Variants in B4GALT1 observed in about 807,000 individuals in gnomAD.
The protein encoded by B4GALT1 is beta-1,4-galactosyltransferase 1, also known as N-acetyllactosamine synthase.
Under a neutral mutation model 34.9 loss-of-function variants are expected in B4GALT1, and 16 were observed. That is an observed-to-expected ratio of 0.46 (90% CI 0.31 to 0.70). B4GALT1 has a LOEUF of 0.70. Ranked by LOEUF, B4GALT1 falls within the 30% of genes least tolerant of loss-of-function variation. B4GALT1 has a pLI of 0.05. For missense variants in B4GALT1, 445 were observed against 530.5 expected, an observed-to-expected ratio of 0.84 and a Z score of 1.58; for synonymous variants, 221 against 218.1, an observed-to-expected ratio of 1.01 and a Z score of -0.12.
At chr9:33,129,274 A>T (rs970792813) in intron 2 of B4GALT1, among the ~76,000 whole-genome samples, 5 of 152,198 alleles carry the variant, frequency 3.3e-5, no homozygotes, top group Non-Finnish European at 7.3e-5. Context: ...ACCATTAACA[A>T]TCACAAGGCT....
chr9:33,158,380 C>T (rs1840627720), intron 1 of B4GALT1, among the ~76,000 whole-genome samples: 1 of 152,206 alleles, frequency 6.6e-6, no homozygotes, highest in South Asian at 2.1e-4. Flanking sequence ...CAACTGCCTC[C>T]CTTTGATCCC....
At chr9:33,133,244 C>T (rs1840219767) in intron 2 of B4GALT1, among the ~76,000 whole-genome samples, 1 of 152,244 alleles carries the variant, frequency 6.6e-6, no homozygotes, top group South Asian at 2.1e-4. Context: ...ACCCAGACCA[C>T]AGCTGTCTGT....
chr9:33,147,795 G>A (rs1840450784), intron 1 of B4GALT1, among the ~76,000 whole-genome samples: 2 of 152,194 alleles, frequency 1.3e-5, no homozygotes, highest in East Asian at 1.9e-4. Flanking sequence ...AGATGCAGGA[G>A]GCTGAGGTGG....
upstream of B4GALT1, among the ~76,000 whole-genome samples, chr9:33,167,859 G>C (rs1840795232): frequency 6.6e-6 from 1 of 152,210 alleles, no homozygotes; most frequent in African/African-American, 2.4e-5. Flanking sequence ...GGAGTGGCAC[G>C]TTCGAAACCC....
chr9:33,153,531 C>CAGTT (rs1587747275), intron 1 of B4GALT1, among the ~76,000 whole-genome samples: 1 of 152,132 alleles, frequency 6.6e-6, no homozygotes, highest in East Asian at 1.9e-4. Context: ...GAAAGAGGGA[C>CAGTT]TATCCCTACA....
At chr9:33,174,118 T>A in the B4GALT1 span, 1 of 2,478 alleles carries the variant, frequency 4.0e-4, no homozygotes, top group Non-Finnish European at 2.5e-3. Context: ...TCTTCCAGAA[T>A]GTCAAGAAAA....
chr9:33,142,872 C>T (rs555764710), intron 1 of B4GALT1, among the ~76,000 whole-genome samples: 23 of 152,236 alleles, frequency 1.5e-4, no homozygotes, highest in Non-Finnish European at 3.1e-4. Flanking sequence ...AGGCCAGGTG[C>T]GGTGGCTCAC....
At chr9:33,129,370 T>A (rs922595601) in intron 2 of B4GALT1, among the ~76,000 whole-genome samples, 2 of 152,212 alleles carry the variant, frequency 1.3e-5, no homozygotes, top group Non-Finnish European at 2.9e-5. Flanking sequence ...CTGGTCAGCA[T>A]TGAGCTGGAA....
chr9:33,178,498 C>T, the B4GALT1 span, among the ~76,000 whole-genome samples: 3 of 152,198 alleles, frequency 2.0e-5, no homozygotes, highest in Non-Finnish European at 2.9e-5. Context: ...CTATTACCAT[C>T]TATATTTTGT....
chr9:33,178,095 G>A, the B4GALT1 span, among the ~76,000 whole-genome samples: 1 of 150,412 alleles, frequency 6.6e-6, no homozygotes, highest in Non-Finnish European at 1.5e-5. Context: ...GGGCTCAGGT[G>A]ATCCTCCCAA....
intron 2 of B4GALT1, among the ~76,000 whole-genome samples, chr9:33,104,961 A>G (rs1030527374): frequency 6.6e-6 from 1 of 151,958 alleles, no homozygotes; most frequent in South Asian, 2.1e-4. Context: ...CTGGGATTAC[A>G]GGCATGTGCC....
chr9:33,169,123 C>T (rs939761613), upstream of B4GALT1, among the ~76,000 whole-genome samples: 1 of 152,212 alleles, frequency 6.6e-6, no homozygotes, highest in Non-Finnish European at 1.5e-5. Flanking sequence ...ACTAATTGGT[C>T]ACCCTGCTTC....
intron 1 of B4GALT1, among the ~76,000 whole-genome samples, chr9:33,161,138 A>G (rs1840669566): frequency 6.6e-6 from 1 of 152,114 alleles, no homozygotes; most frequent in Non-Finnish European, 1.5e-5. Context: ...AGACTTTAAA[A>G]TCACTGCCAA....
chr9:33,155,776 G>C (rs1034861545), intron 1 of B4GALT1, among the ~76,000 whole-genome samples: 25 of 152,200 alleles, frequency 1.6e-4, no homozygotes, highest in Admixed American at 7.2e-4. Flanking sequence ...TAAGGGTGCT[G>C]ACTGTATGCC....
intron 1 of B4GALT1, among the ~76,000 whole-genome samples, chr9:33,138,859 G>C (rs1375544280): frequency 6.6e-6 from 1 of 152,034 alleles, no homozygotes; most frequent in Non-Finnish European, 1.5e-5. Flanking sequence ...GATTCCCTCA[G>C]CAACTGACAC....
At chr9:33,183,095 T>TA in the B4GALT1 span, among the ~76,000 whole-genome samples, 1 of 152,080 alleles carries the variant, frequency 6.6e-6, no homozygotes, top group Non-Finnish European at 1.5e-5. Flanking sequence ...ATTTCAGAAA[T>TA]AAAAAATTCA....
chr9:33,165,882 G>T (rs1224494427), intron 1 of B4GALT1, among the ~76,000 whole-genome samples: 1 of 152,200 alleles, frequency 6.6e-6, no homozygotes. Flanking sequence ...ACAGGCTAGA[G>T]GTCAGAGTTC....
At chr9:33,122,660 A>G (rs1273180599) in intron 2 of B4GALT1, among the ~76,000 whole-genome samples, 3 of 152,328 alleles carry the variant, frequency 2.0e-5, no homozygotes, top group African/African-American at 7.2e-5. Flanking sequence ...AAAGAGAGGC[A>G]CCAGAAAGAG....
At chr9:33,106,854 C>A (rs1839800330), downstream of B4GALT1, among the ~76,000 whole-genome samples, 1 of 152,176 alleles carries the variant, frequency 6.6e-6, no homozygotes, top group Non-Finnish European at 1.5e-5. Flanking sequence ...ACCAACTTGC[C>A]CAGCATCACA....
Sources: allele counts gnomAD v4.1 joint callset (sites outside exome capture counted in the v4.1 genomes callset), GRCh38; gene constraint gnomAD v4.1.1; transcripts MANE v1.5; gene names NCBI Gene and HGNC (gene_info 2026-07-23, HGNC 2026-07-21).